NELL1: variants seen among roughly 807,000 people sequenced by gnomAD.
NELL1 encodes the protein protein kinase C-binding protein NELL1.
Under a neutral mutation model 107.4 loss-of-function variants are expected in NELL1, and 76 were observed. The observed-to-expected ratio is 0.71, with a 90% CI of 0.59 to 0.86. The LOEUF is 0.86. Ranked by LOEUF, NELL1 falls within the 40% of genes least tolerant of loss-of-function variation. The pLI, the probability that NELL1 is intolerant of heterozygous loss-of-function variation, is 0.00. For missense variants in NELL1, 1,024 were observed against 1,005.5 expected, an observed-to-expected ratio of 1.02 and a Z score of -0.25; for synonymous variants, 353 against 341.2, an observed-to-expected ratio of 1.03 and a Z score of -0.38.
rs912866336 is a variant in NELL1, at chr11:20,794,015, T to C, written c.335+10185T>C. ...ACTTCTATGTGTATTGATTAACTGA[T>C]TGATTGCTCAATCCATGACAGTCTG... On this transcript the variant is annotated intron_variant, in intron 3 of 19. Coordinates refer to ENST00000357134, the MANE Select transcript of NELL1 (RefSeq NM_006157.5). 2.6e-5 allele frequency among the ~76,000 whole-genome samples: 4 copies of C among 152,368 alleles called. 1 individual carries two copies. Among genetic ancestry groups the C allele is most frequent in the Admixed American group, 6.5e-5 (1 of 15,306 alleles).
intron 12 of NELL1, among the ~76,000 whole-genome samples, chr11:20,993,503 C>T (rs1343220603): frequency 1.3e-5 from 2 of 152,050 alleles, no homozygotes; most frequent in Non-Finnish European, 2.9e-5. Context: ...TGAACAGAGT[C>T]TTAATGAATA....
At chr11:20,891,573 G>T (rs1454009954) in intron 5 of NELL1, among the ~76,000 whole-genome samples, 1 of 152,098 alleles carries the variant, frequency 6.6e-6, no homozygotes, top group Non-Finnish European at 1.5e-5. Context: ...CTGGCAAATT[G>T]GATAAGGAGT....
At chr11:21,040,343 T>C (rs185850507) in intron 12 of NELL1, among the ~76,000 whole-genome samples, 159 of 152,314 alleles carry the variant, frequency 1.0e-3, no homozygotes, top group Non-Finnish European at 1.7e-3. Flanking sequence ...TCCTATTATA[T>C]GTATGAGTTG....
chr11:20,983,825 G>A (rs1851797135), intron 12 of NELL1, among the ~76,000 whole-genome samples: 2 of 152,210 alleles, frequency 1.3e-5, no homozygotes, highest in South Asian at 2.1e-4. Context: ...CGTGGCCTTG[G>A]TGCACAGTTT....
intron 1 of NELL1, chr11:20,674,588 C>T: frequency 7.0e-7 from 1 of 1,423,216 alleles, no homozygotes; most frequent in Non-Finnish European, 9.6e-7. Flanking sequence ...TATTAACGTT[C>T]CTATTTTATG....
At chr11:20,813,488 G>GCT (rs1857548747) in intron 3 of NELL1, among the ~76,000 whole-genome samples, 1 of 152,016 alleles carries the variant, frequency 6.6e-6, no homozygotes, top group South Asian at 2.1e-4. Flanking sequence ...ACCATTGCTG[G>GCT]CTCATTTGTC....
At chr11:21,314,746 G>C (rs1050674088) in intron 14 of NELL1, among the ~76,000 whole-genome samples, 2 of 152,174 alleles carry the variant, frequency 1.3e-5, no homozygotes, top group East Asian at 3.9e-4. Context: ...ATACTTAAGA[G>C]TAATGGGAAG....
chr11:20,993,684 A>T (rs1852026961), intron 12 of NELL1, among the ~76,000 whole-genome samples: 1 of 152,222 alleles, frequency 6.6e-6, no homozygotes. Flanking sequence ...ATTACTGATA[A>T]TACTTAATAA....
chr11:21,048,414 C>T (rs1853409110), intron 12 of NELL1, among the ~76,000 whole-genome samples: 4 of 152,052 alleles, frequency 2.6e-5, no homozygotes, highest in Admixed American at 2.6e-4. Context: ...CTGTGAAATC[C>T]TCATTTGCAT....
intron 13 of NELL1, among the ~76,000 whole-genome samples, chr11:21,175,883 G>A (rs918216173): frequency 2.0e-5 from 3 of 151,806 alleles, no homozygotes; most frequent in African/African-American, 4.9e-5. Flanking sequence ...TACAATGTGG[G>A]CATTTAGGAT....
chr11:20,913,002 T>G (rs1850165429), intron 5 of NELL1, among the ~76,000 whole-genome samples: 1 of 152,164 alleles, frequency 6.6e-6, no homozygotes, highest in South Asian at 2.1e-4. Context: ...GCTGACAGTT[T>G]TTATTGATCA....
chr11:21,487,479 A>G (rs1377127167), intron 15 of NELL1, among the ~76,000 whole-genome samples: 1 of 151,780 alleles, frequency 6.6e-6, no homozygotes, highest in Non-Finnish European at 1.5e-5. Flanking sequence ...AAGCAAAAAA[A>G]CATTTACCAA....
At chr11:20,845,341 C>T (rs1298854568) in intron 3 of NELL1, among the ~76,000 whole-genome samples, 1 of 152,140 alleles carries the variant, frequency 6.6e-6, no homozygotes, top group African/African-American at 2.4e-5. Flanking sequence ...ACATTGAACA[C>T]TTGCTCAATG....
chr11:21,396,527 G>A (rs902632346), intron 15 of NELL1, among the ~76,000 whole-genome samples: 3 of 151,576 alleles, frequency 2.0e-5, no homozygotes, highest in Non-Finnish European at 3.0e-5. Flanking sequence ...ACATGTATTC[G>A]TTTGTCACGT....
chr11:20,795,895 G>A (rs1857160060), intron 3 of NELL1, among the ~76,000 whole-genome samples: 1 of 152,126 alleles, frequency 6.6e-6, no homozygotes, highest in African/African-American at 2.4e-5. Flanking sequence ...TTCATTTCCT[G>A]GATCTATCAA....
intron 15 of NELL1, among the ~76,000 whole-genome samples, chr11:21,530,500 G>A (rs925694909): frequency 6.6e-6 from 1 of 151,988 alleles, no homozygotes; most frequent in African/African-American, 2.4e-5. Flanking sequence ...CAAACCTTGG[G>A]TATTCGTCTG....
At chr11:20,889,647 A>G (rs1027513906) in intron 5 of NELL1, among the ~76,000 whole-genome samples, 6 of 152,204 alleles carry the variant, frequency 3.9e-5, no homozygotes, top group African/African-American at 1.4e-4. Flanking sequence ...AATATTGACA[A>G]TGGAATCCTT....
chr11:21,574,420 G>C (rs114772108), intron 19 of NELL1, among the ~76,000 whole-genome samples: 1,741 of 151,716 alleles, frequency 0.011, 28 homozygotes, highest in African/African-American at 0.04. Context: ...TGATAATTAT[G>C]TGGAATTATA....
At chr11:21,235,309 C>T (rs1000628719) in intron 14 of NELL1, among the ~76,000 whole-genome samples, 3 of 152,054 alleles carry the variant, frequency 2.0e-5, no homozygotes, top group Admixed American at 2.0e-4. Flanking sequence ...TAAGAGTGCT[C>T]CTCTGGTTAT....
Sources: allele counts gnomAD v4.1 joint callset (sites outside exome capture counted in the v4.1 genomes callset), GRCh38; gene constraint gnomAD v4.1.1; transcripts MANE v1.5; gene names NCBI Gene and HGNC (gene_info 2026-07-23, HGNC 2026-07-21).